Variants in LHX6 observed in about 807,000 individuals in gnomAD.
LHX6 encodes the protein LIM/homeobox protein Lhx6.
LHX6 carries 15 observed loss-of-function variants against 47.1 expected under a neutral mutation model. That is an observed-to-expected ratio of 0.32 (90% CI 0.21 to 0.49). LHX6 has a LOEUF of 0.49. LHX6 is among the 20% of genes least tolerant of loss of function. The pLI is 0.99. For synonymous variants in LHX6, 242 were observed against 233.5 expected (o/e 1.04, Z -0.33); for missense variants, 404 against 539.6 (o/e 0.75, Z 2.49).
chr9:122,217,248 A>T lies in LHX6; in HGVS notation c.502T>A (p.Tyr168Asn), dbSNP rs1830627717. The change falls in exon 5 of 10, where the codon TAC becomes AAC. Residue 168 changes from tyrosine (Y) to asparagine (N), a missense_variant. Physicochemically the swap from Tyr to Asn is moderately radical, Grantham distance 143. Around this residue, in one of 7 missense-constraint regions of LHX6, gnomAD observed 53 missense variants for 97.4 expected, o/e 0.54. Transcript: ENST00000394319. The surrounding 1 kb of genome is among the most constrained non-coding windows in gnomAD (Gnocchi z 4.9). ...TKCARCGRQI[Y>N]ASDWVRRARG... The stretch of plus-strand genomic sequence containing the variant: ...GCTCTCCGCACCCAGTCGCTGGCGT[A>T]GATCTGTCGGCCGCACCGGGCACAC... The T allele has an allele frequency of 6.2e-7, 1 of 1,613,808 alleles. No individual in the cohort carries two copies. The highest frequency in any genetic ancestry group is 8.5e-7 in the Non-Finnish European group (1 of 1,179,990).
At chr9:122,204,824 C>T (rs1054095361) in intron 9 of LHX6, 44 bp from the exon 10 acceptor site, 7 of 1,422,838 alleles carry the variant, frequency 4.9e-6, no homozygotes, top group Middle Eastern at 1.8e-4. Flanking sequence ...GGGGGCCTGC[C>T]CCACCCTGCT....
chr9:122,212,897 A>G (rs1830447179), intron 8 of LHX6, among the ~76,000 whole-genome samples: 1 of 152,198 alleles, frequency 6.6e-6, no homozygotes, highest in Non-Finnish European at 1.5e-5. Context: ...TACTGAATGC[A>G]TGAATGGTGT....
At chr9:122,222,153 A>G (rs562234598) in intron 4 of LHX6, among the ~76,000 whole-genome samples, 4 of 152,304 alleles carry the variant, frequency 2.6e-5, no homozygotes, top group South Asian at 4.1e-4. Flanking sequence ...AGTCTCCCCA[A>G]CTATACAGCA....
chr9:122,212,614 G>C (rs1307906372), intron 8 of LHX6, among the ~76,000 whole-genome samples: 1 of 152,206 alleles, frequency 6.6e-6, no homozygotes, highest in Non-Finnish European at 1.5e-5. Context: ...CTCAGCAGCA[G>C]ATTCACTGAA....
intron 4 of LHX6, chr9:122,221,832 T>A: frequency 2.1e-6 from 1 of 471,350 alleles, no homozygotes; most frequent in Non-Finnish European, 2.8e-6. Flanking sequence ...GTGGCTGATA[T>A]ATCTCACCTA....
Position 122,213,881 on chromosome 9 carries a change from T to A in LHX6, c.879+93A>T. The A allele has an allele frequency of 1.3e-6, 2 of 1,513,276 alleles. No homozygotes were observed. Among genetic ancestry groups the A allele is most frequent in the Non-Finnish European group, 1.8e-6 (2 of 1,118,594 alleles). The allele number at this position is 1,513,276 out of a possible 1,614,324, so 93.7% of individuals were successfully genotyped here. A position where few individuals can be genotyped will look rare whatever the true frequency, so the allele number is the denominator to read the frequency against. On this transcript the variant is annotated intron_variant, in intron 7 of 9. Coordinates refer to ENST00000394319, the MANE Select transcript of LHX6 (RefSeq NM_014368.5). The surrounding 1 kb of genome is among the most constrained non-coding windows in gnomAD (Gnocchi z 5.5). ...TGCCTCGTCGCCTCCTGGAGAAGGA[T>A]GGCCACGTGCACGCACCACCCTCCG... is the stretch of plus-strand genomic sequence containing the variant.
intron 5 of LHX6, among the ~76,000 whole-genome samples, chr9:122,216,681 A>G (rs1363547433): frequency 2.0e-5 from 3 of 152,152 alleles, no homozygotes; most frequent in African/African-American, 7.2e-5. Flanking sequence ...AGGCAACCGG[A>G]GGGGATGAGC....
In LHX6 at chr9:122,227,487, G is replaced by C. The variant is rs1351835091; in HGVS notation, c.85-7C>G. 1.3e-6 allele frequency: 2 copies of C among 1,517,242 alleles called. No homozygotes were observed. The highest frequency in any genetic ancestry group is 4.0e-5 in the Admixed American group (2 of 50,056). 94.0% of individuals were successfully genotyped at this position (1,517,242 alleles called of 1,614,324 possible). On this transcript the variant is annotated splice_polypyrimidine_tract_variant and splice_region_variant and intron_variant, in intron 1 of 9. Coordinates refer to ENST00000394319, the MANE Select transcript of LHX6 (RefSeq NM_014368.5). Reference sequence around the variant, plus strand: ...ACCCTGGCTGGGCCATCACCTGGGGGAGGGGGGGAGGGAACGCAGGCGGCG... The same window carrying C: ...ACCCTGGCTGGGCCATCACCTGGGGCAGGGGGGGAGGGAACGCAGGCGGCG...
chr9:122,218,712 C>A (rs1830692572), intron 4 of LHX6, among the ~76,000 whole-genome samples: 2 of 152,124 alleles, frequency 1.3e-5, no homozygotes, highest in Non-Finnish European at 2.9e-5. Context: ...AAAACCCAAG[C>A]GACCACATCC....
chr9:122,224,228 T>G (rs549876310), intron 4 of LHX6, among the ~76,000 whole-genome samples: 1 of 152,258 alleles, frequency 6.6e-6, no homozygotes, highest in South Asian at 2.1e-4. Flanking sequence ...GGTTTCACCA[T>G]GTTGGCCAGG....
At chr9:122,225,984 A>T (rs1176882167) in intron 4 of LHX6, among the ~76,000 whole-genome samples, 2 of 152,186 alleles carry the variant, frequency 1.3e-5, no homozygotes, top group Non-Finnish European at 2.9e-5. Context: ...CGAAGCCCGA[A>T]CGCACTGGAA....
chr9:122,225,169 G>A (rs939451270), intron 4 of LHX6, among the ~76,000 whole-genome samples: 3 of 152,176 alleles, frequency 2.0e-5, no homozygotes, highest in Admixed American at 6.5e-5. Context: ...TTCTAGGGCA[G>A]GGGTCTGGCC....
intron 4 of LHX6, among the ~76,000 whole-genome samples, chr9:122,223,897 T>C (rs1367329393): frequency 6.6e-6 from 1 of 152,120 alleles, no homozygotes; most frequent in African/African-American, 2.4e-5. Flanking sequence ...AGGAGAGGTG[T>C]CCTAGTGGTG....
intron 4 of LHX6, among the ~76,000 whole-genome samples, chr9:122,223,645 C>T (rs1830969739): frequency 6.6e-6 from 1 of 152,204 alleles, no homozygotes; most frequent in African/African-American, 2.4e-5. Flanking sequence ...AGTCTCCTGC[C>T]TCTTCCCACA....
chr9:122,226,260 A>C lies in LHX6; in HGVS notation c.461+116T>G. On this transcript the variant is annotated intron_variant, in intron 4 of 9. Transcript: ENST00000394319. The surrounding 1 kb of genome is among the most constrained non-coding windows in gnomAD (Gnocchi z 6.5). ...AGGTTGGACCAGCGCTGCGCGCCGG[A>C]AGTGCACTCGGGACGCCGGGGTTCT... is the stretch of plus-strand genomic sequence containing the variant. 7.5e-7 allele frequency: 1 copy of C among 1,340,496 alleles called. No homozygotes were observed. Among genetic ancestry groups the C allele is most frequent in the East Asian group, 2.4e-5 (1 of 41,194 alleles). The allele number at this position is 1,340,496 out of a possible 1,614,324, so 83.0% of individuals were successfully genotyped here. A position where few individuals can be genotyped will look rare whatever the true frequency, so the allele number is the denominator to read the frequency against.
Position 122,214,255 on chromosome 9 carries a change from C to T in LHX6, c.783+28G>A. The T allele has an allele frequency of 1.3e-6, 2 of 1,550,846 alleles. No homozygotes were observed. The highest frequency in any genetic ancestry group is 1.2e-5 in the South Asian group (1 of 85,062). ...CGCCCACTTTCGGCCCGGCCCCCGC[C>T]CCCGCCGCCCACTGCTTGCAGCGGT... On this transcript the variant is annotated intron_variant, in intron 6 of 9. Coordinates refer to ENST00000394319, the MANE Select transcript of LHX6 (RefSeq NM_014368.5). The surrounding 1 kb of genome is among the most constrained non-coding windows in gnomAD (Gnocchi z 4.6).
chr9:122,221,370 C>G (rs1830849146), intron 4 of LHX6: 5 of 985,564 alleles, frequency 5.1e-6, no homozygotes, highest in Non-Finnish European at 4.8e-6. Flanking sequence ...CGCTCTCTGC[C>G]GCGGTGGGGG....
rs780360881 is a variant in LHX6 at position 122,214,074 on chromosome 9, G to GGGGCGGGGA, written c.784-14_784-6dup. The GGGGCGGGGA allele has an allele frequency of 1.3e-6, 2 of 1,598,716 alleles. No homozygotes were observed. Among genetic ancestry groups the GGGGCGGGGA allele is most frequent in the African/African-American group, 1.3e-5 (1 of 74,956 alleles). ...CGCGAACTGCGCCTGCATAACCTGC[G>GGGGCGGGGA]GGGCGGGGAGGGCGGTGAGGCGCTC... On this transcript the variant is annotated splice_region_variant and splice_polypyrimidine_tract_variant and intron_variant, in intron 6 of 9. Coordinates refer to ENST00000394319, the MANE Select transcript of LHX6 (RefSeq NM_014368.5). This position sits in a 1 kb window ranked among gnomAD's most constrained non-coding sequence, Gnocchi z 4.6.
Position 122,214,431 on chromosome 9 carries a change from G to T in LHX6, c.683-48C>A. 2 of 1,493,240 alleles carry T rather than the reference G, an allele frequency of 1.3e-6. No homozygotes were observed. Among genetic ancestry groups the T allele is most frequent in the Non-Finnish European group, 8.9e-7 (1 of 1,126,454 alleles). 92.5% of individuals were successfully genotyped at this position (1,493,240 alleles called of 1,614,324 possible). On this transcript the variant is annotated intron_variant, in intron 5 of 9. Transcript: ENST00000394319. This position sits in a 1 kb window ranked among gnomAD's most constrained non-coding sequence, Gnocchi z 4.6. ...ACCACGCGTCCCCATCTCTTCTAGTGGCAGCCTGGAAAGGACGGGGGTGGG... is the reference window on the plus strand; with the variant it reads ...ACCACGCGTCCCCATCTCTTCTAGTTGCAGCCTGGAAAGGACGGGGGTGGG...
Sources: allele counts gnomAD v4.1 joint callset (sites outside exome capture counted in the v4.1 genomes callset), GRCh38; gene constraint gnomAD v4.1.1; regional missense constraint gnomAD v4.1.1; non-coding constraint Gnocchi (gnomAD v3.1); transcripts MANE v1.5; gene names NCBI Gene and HGNC (gene_info 2026-07-23, HGNC 2026-07-21).